PARD3B: variants seen among roughly 807,000 people sequenced by gnomAD.
The protein encoded by PARD3B is partitioning defective 3 homolog B.
In PARD3B, 103 loss-of-function variants were observed where a neutral mutation model predicts 130.2. The observed-to-expected ratio is 0.79, with a 90% confidence interval of 0.67 to 0.93. The LOEUF (loss-of-function observed/expected upper bound fraction) is 0.93. Among genes scored for constraint, PARD3B ranks in the 40% least tolerant of loss-of-function variants. The pLI, the probability that PARD3B is intolerant of heterozygous loss-of-function variation, is 0.00. For missense variants in PARD3B, 1,609 were observed against 1,499.2 expected (o/e 1.07, Z -1.21); for synonymous variants, 583 against 553.2 (o/e 1.05, Z -0.76).
At chr2:205,001,216 T>G (rs1446752018) in intron 3 of PARD3B, among the ~76,000 whole-genome samples, 2 of 152,148 alleles carry the variant, frequency 1.3e-5, no homozygotes, top group East Asian at 3.9e-4. Context: ...CTCGAACTCC[T>G]GACCTCAGGT....
At chr2:205,200,512 A>G (rs1290518497) in intron 15 of PARD3B, among the ~76,000 whole-genome samples, 4 of 152,196 alleles carry the variant, frequency 2.6e-5, no homozygotes, top group African/African-American at 7.2e-5. Context: ...TGGGTGATAG[A>G]TTGACAGAAT....
chr2:205,452,537 T>C (rs2048135991), intron 20 of PARD3B, among the ~76,000 whole-genome samples: 1 of 152,212 alleles, frequency 6.6e-6, no homozygotes, highest in South Asian at 2.1e-4. Flanking sequence ...TCTTAGAACA[T>C]ATTACCATCA....
intron 3 of PARD3B, among the ~76,000 whole-genome samples, chr2:205,027,064 A>G (rs1697086676): frequency 6.6e-6 from 1 of 152,138 alleles, no homozygotes; most frequent in African/African-American, 2.4e-5. Flanking sequence ...CAAAGGTGCA[A>G]TTCCTTTGGA....
chr2:205,580,767 A>G (rs1267766540), intron 22 of PARD3B, among the ~76,000 whole-genome samples: 2 of 152,158 alleles, frequency 1.3e-5, no homozygotes, highest in Non-Finnish European at 2.9e-5. Context: ...CATTCTACCA[A>G]TGGTTGCTGC....
chr2:205,261,110 C>T lies in PARD3B; in HGVS notation c.2185+15288C>T, dbSNP rs2040290619. ...TTCCTTTAATTTCCTATGAACAAAT[C>T]AACCCATTTAAATGTGCATTTTTAA... On this transcript the variant is annotated intron_variant, in intron 16 of 22. Coordinates refer to ENST00000406610, the MANE Select transcript of PARD3B (RefSeq NM_001302769.2). 3.9e-5 allele frequency among the ~76,000 whole-genome samples: 6 copies of T among 152,220 alleles called. No homozygotes were observed. In the South Asian group the frequency reaches 1.2e-3, roughly 32 times the overall value.
intron 16 of PARD3B, among the ~76,000 whole-genome samples, chr2:205,289,179 G>A (rs1231057311): frequency 6.6e-6 from 1 of 152,170 alleles, no homozygotes; most frequent in Non-Finnish European, 1.5e-5. Context: ...AAAGGAGATA[G>A]AAGATGATTT....
chr2:204,858,401 A>G (rs188569906), intron 2 of PARD3B, among the ~76,000 whole-genome samples: 103 of 151,980 alleles, frequency 6.8e-4, no homozygotes, highest in African/African-American at 2.0e-3. Flanking sequence ...ATTCTGCTCT[A>G]TGCCACAACA....
chr2:205,046,385 A>G (rs760757300), intron 3 of PARD3B, among the ~76,000 whole-genome samples: 18 of 152,170 alleles, frequency 1.2e-4, no homozygotes, highest in Non-Finnish European at 1.0e-4. Context: ...TCTCTTAATA[A>G]AAAGGAAATA....
At chr2:205,178,929 C>A (rs1302090660) in intron 13 of PARD3B, among the ~76,000 whole-genome samples, 1 of 152,150 alleles carries the variant, frequency 6.6e-6, no homozygotes, top group African/African-American at 2.4e-5. Flanking sequence ...TAACTGTAAA[C>A]AGCCTCAGGC....
At position 204,943,933 on chromosome 2, in the gene PARD3B, T is replaced by G. The variant is rs994735278; in HGVS notation, c.223-21219T>G. The stretch of plus-strand genomic sequence containing the variant: ...ATTTAAAATAAATGCTAGCAATAAG[T>G]TAGTAAAAGTAGAAAAGGGGACTAA... On this transcript the variant is annotated intron_variant, in intron 2 of 22. Coordinates refer to ENST00000406610, the MANE Select transcript of PARD3B (RefSeq NM_001302769.2). This position sits in a 1 kb window ranked among gnomAD's most constrained non-coding sequence, Gnocchi z 4.2. Among the ~76,000 whole-genome samples the G allele has an allele frequency of 6.6e-5, 10 of 152,190 alleles. No individual in the cohort carries two copies. Among genetic ancestry groups the G allele is most frequent in the Middle Eastern group, 3.4e-3 (1 of 294 alleles).
At chr2:205,587,382 T>C (rs1478134153) in intron 22 of PARD3B, among the ~76,000 whole-genome samples, 1 of 152,194 alleles carries the variant, frequency 6.6e-6, no homozygotes, top group Non-Finnish European at 1.5e-5. Flanking sequence ...ATGACCACAA[T>C]CAGCAGTAGA....
chr2:204,761,819 T>A (rs1444860187), intron 2 of PARD3B, among the ~76,000 whole-genome samples: 1 of 152,120 alleles, frequency 6.6e-6, no homozygotes, highest in African/African-American at 2.4e-5. Flanking sequence ...GACATGTAAA[T>A]AGTTATAAGC....
intron 2 of PARD3B, among the ~76,000 whole-genome samples, chr2:204,925,405 C>A (rs781310315): frequency 6.6e-6 from 1 of 152,074 alleles, no homozygotes; most frequent in Admixed American, 6.6e-5. Flanking sequence ...GCATCCCACC[C>A]TCTTTGATGA....
Position 204,587,952 on chromosome 2 carries a change from G to C in PARD3B, c.120+41833G>C, listed in dbSNP as rs181343171. ...CCATGTGAAGAAGGCCTCCCCAGCC[G>C]TGCTGAACTGTGAGTCAATTAAACC... On this transcript the variant is annotated intron_variant, in intron 1 of 22. Coordinates refer to ENST00000406610, the MANE Select transcript of PARD3B (RefSeq NM_001302769.2). 2.6e-5 allele frequency among the ~76,000 whole-genome samples: 4 copies of C among 152,234 alleles called. No individual in the cohort carries two copies. The East Asian group carries it at 7.7e-4, about 29-fold the overall frequency.
rs755972790 is a variant in PARD3B, at chr2:204,887,659, C to G, written c.223-77493C>G. Among the ~76,000 whole-genome samples, 2 of 152,096 alleles carry G rather than the reference C, an allele frequency of 1.3e-5. No individual in the cohort carries two copies. Among genetic ancestry groups the G allele is most frequent in the Non-Finnish European group, 2.9e-5 (2 of 68,032 alleles). ...TTAACAGTATTAACAGAGCACTATT[C>G]TATATGCAGCGCCATTTCATACCCT... is the stretch of plus-strand genomic sequence containing the variant. On this transcript the variant is annotated intron_variant, in intron 2 of 22. Transcript: ENST00000406610. The surrounding 1 kb of genome is among the most constrained non-coding windows in gnomAD (Gnocchi z 4.2).
rs2053389721 is a variant in PARD3B at position 205,567,401 on chromosome 2, G to A, written c.3260+13998G>A. ...ACGATCTCGGCTCACTGCAAGCTCC[G>A]CCTCCCAGGTTCACACCATTCTCCT... On this transcript the variant is annotated intron_variant, in intron 22 of 22. Coordinates refer to ENST00000406610, the MANE Select transcript of PARD3B (RefSeq NM_001302769.2). Among the ~76,000 whole-genome samples the A allele has an allele frequency of 2.4e-5, 3 of 127,454 alleles. No individual in the cohort carries two copies. The South Asian group carries it at 8.3e-4, about 35-fold the overall frequency. The allele number at this position is 127,454 out of a possible 152,430, so 83.6% of individuals were successfully genotyped here.
chr2:204,725,870 T>C (rs2039202438), intron 2 of PARD3B, among the ~76,000 whole-genome samples: 1 of 152,174 alleles, frequency 6.6e-6, no homozygotes, highest in Admixed American at 6.5e-5. Flanking sequence ...CCTACCAATG[T>C]CACATAGCTG....
At chr2:205,404,784 G>A (rs550427669) in intron 19 of PARD3B, among the ~76,000 whole-genome samples, 2 of 152,220 alleles carry the variant, frequency 1.3e-5, no homozygotes, top group African/African-American at 4.8e-5. Flanking sequence ...CAAGTGCTGG[G>A]TTTACAGGCA....
intron 15 of PARD3B, among the ~76,000 whole-genome samples, chr2:205,216,470 T>C (rs1332690386): frequency 1.3e-5 from 2 of 152,198 alleles, no homozygotes; most frequent in Non-Finnish European, 2.9e-5. Context: ...TGTTTCTGTA[T>C]ATTTCAAATC....
Sources: allele counts gnomAD v4.1 joint callset (sites outside exome capture counted in the v4.1 genomes callset), GRCh38; gene constraint gnomAD v4.1.1; non-coding constraint Gnocchi (gnomAD v3.1); transcripts MANE v1.5; gene names NCBI Gene and HGNC (gene_info 2026-07-23, HGNC 2026-07-21).